Variants in MAEA observed in about 807,000 individuals in gnomAD.
The protein encoded by MAEA is macrophage erythroblast attacher, E3 ubiquitin ligase.
In MAEA, 22 loss-of-function variants were observed where a neutral mutation model predicts 46.2. The observed-to-expected ratio is 0.48, with a 90% confidence interval of 0.34 to 0.68. MAEA has a LOEUF of 0.68. Ranked by LOEUF, MAEA falls within the 30% of genes least tolerant of loss-of-function variation. MAEA has a pLI of 0.01. For synonymous variants in MAEA, 246 were observed against 222.6 expected (o/e 1.11, Z -0.94); for missense variants, 393 against 558.1 (o/e 0.70, Z 2.98).
chr4:1,297,088 T>TA (rs1196772879), intron 1 of MAEA, among the ~76,000 whole-genome samples: 1 of 152,144 alleles, frequency 6.6e-6, no homozygotes, highest in African/African-American at 2.4e-5. Flanking sequence ...AAAGATACGA[T>TA]ACCAGGCGCA....
At chr4:1,300,666 C>T (rs576913279) in intron 1 of MAEA, among the ~76,000 whole-genome samples, 31 of 152,354 alleles carry the variant, frequency 2.0e-4, no homozygotes, top group Admixed American at 3.3e-4. Context: ...CCAAGACGGA[C>T]CAGTGGCTTT....
At chr4:1,334,342 G>A (rs1224677975) in intron 6 of MAEA, among the ~76,000 whole-genome samples, 1 of 150,280 alleles carries the variant, frequency 6.7e-6, no homozygotes, top group Admixed American at 6.7e-5. Flanking sequence ...CAAAGCCCTG[G>A]GCAGTCCCAG....
chr4:1,315,153 T>C (rs570241355), intron 2 of MAEA, among the ~76,000 whole-genome samples: 7 of 152,308 alleles, frequency 4.6e-5, no homozygotes, highest in Admixed American at 1.3e-4. Flanking sequence ...GGTATATTAA[T>C]ATAAAGCCAG....
At chr4:1,327,891 G>C (rs1739051685) in intron 5 of MAEA, among the ~76,000 whole-genome samples, 188 bp downstream of exon 5, 1 of 152,190 alleles carries the variant, frequency 6.6e-6, no homozygotes. Context: ...TGGGGAGTGA[G>C]GCCTGGAGCC....
At chr4:1,307,781 G>C (rs748339393) in intron 1 of MAEA, among the ~76,000 whole-genome samples, 14 of 152,180 alleles carry the variant, frequency 9.2e-5, no homozygotes, top group Non-Finnish European at 1.5e-4. Flanking sequence ...CAGGATCCCA[G>C]CTCCAGGAGG....
Position 1,325,674 on chromosome 4 carries a change from TG to T in MAEA, c.580-1949del, listed in dbSNP as rs1210398665. Among the ~76,000 whole-genome samples the T allele has an allele frequency of 3.3e-5, 5 of 152,222 alleles. No individual in the cohort carries two copies. The South Asian group carries it at 8.3e-4, about 25-fold the overall frequency. On this transcript the variant is annotated intron_variant, in intron 4 of 8. Coordinates refer to ENST00000303400, the MANE Select transcript of MAEA (RefSeq NM_001017405.3). ...CATCAGGCAGCCCCTGGGAGGCAGGTGGGGCCCTGGTGGGGAGCCTCTATCT... is the reference window on the plus strand; with the variant it reads ...CATCAGGCAGCCCCTGGGAGGCAGGTGGGCCCTGGTGGGGAGCCTCTATCT...
chr4:1,325,824 C>T (rs908625065), intron 4 of MAEA, among the ~76,000 whole-genome samples: 2 of 152,204 alleles, frequency 1.3e-5, no homozygotes, highest in South Asian at 2.1e-4. Flanking sequence ...CTTTGTGCCT[C>T]TCGGCTGATT....
intron 5 of MAEA, 45 bp downstream of exon 5, chr4:1,327,748 T>C: frequency 6.4e-7 from 1 of 1,553,132 alleles, no homozygotes; most frequent in Non-Finnish European, 8.9e-7. Context: ...GGCAGGATGT[T>C]CGGCTGCGGC....
chr4:1,302,603 C>G (rs1735423925), intron 1 of MAEA, among the ~76,000 whole-genome samples: 1 of 152,166 alleles, frequency 6.6e-6, no homozygotes, highest in African/African-American at 2.4e-5. Context: ...CTTCAGCCTC[C>G]CAAGTAGCTG....
At chr4:1,293,733 A>C (rs1190885777) in intron 1 of MAEA, among the ~76,000 whole-genome samples, 1 of 152,200 alleles carries the variant, frequency 6.6e-6, no homozygotes, top group Non-Finnish European at 1.5e-5. Context: ...GCTGAGAAAC[A>C]CCGGGCTTGT....
chr4:1,299,164 C>T (rs906250896), intron 1 of MAEA, among the ~76,000 whole-genome samples: 1 of 152,200 alleles, frequency 6.6e-6, no homozygotes, highest in Admixed American at 6.5e-5. Context: ...CAGGTGTGAG[C>T]CACCATGCCC....
intron 5 of MAEA, chr4:1,329,149 G>T: frequency 1.0e-6 from 1 of 985,754 alleles, no homozygotes; most frequent in Non-Finnish European, 1.2e-6. Flanking sequence ...CTCCGTCACA[G>T]ATGTCTTCAT....
chr4:1,309,758 G>A (rs1251005958), intron 1 of MAEA: 10 of 1,488,404 alleles, frequency 6.7e-6, no homozygotes, highest in Non-Finnish European at 8.9e-6. Context: ...CTGCGTAACC[G>A]TGGCGCGTTC....
chr4:1,323,754 C>T, intron 4 of MAEA: 1 of 634,004 alleles, frequency 1.6e-6, no homozygotes, highest in Non-Finnish European at 2.9e-6. Context: ...CCAGGATATT[C>T]CTGCAAGCCC....
intron 1 of MAEA, among the ~76,000 whole-genome samples, chr4:1,306,998 G>A (rs989920308): frequency 9.2e-5 from 14 of 152,232 alleles, no homozygotes; most frequent in African/African-American, 3.4e-4. Context: ...CTTTTTCTGG[G>A]TTCCCCACCC....
intron 3 of MAEA, among the ~76,000 whole-genome samples, chr4:1,322,087 G>A (rs2108957680): frequency 6.6e-6 from 1 of 152,324 alleles, no homozygotes; most frequent in African/African-American, 2.4e-5. Flanking sequence ...CTGCCTGCAT[G>A]TGTGTCTCAG....
intron 5 of MAEA, among the ~76,000 whole-genome samples, chr4:1,328,192 C>T (rs548901576): frequency 5.9e-5 from 9 of 152,240 alleles, no homozygotes; most frequent in Non-Finnish European, 1.3e-4. Flanking sequence ...CTGTCTCCGA[C>T]CCAAGGGCGG....
chr4:1,290,118 G>T, intron 1 of MAEA, 136 bp downstream of exon 1: 2 of 417,182 alleles, frequency 4.8e-6, no homozygotes, highest in Non-Finnish European at 7.3e-6. Flanking sequence ...GGCCGTGCGG[G>T]CTTCTCAGGG....
chr4:1,337,476 G>A, intron 7 of MAEA: 1 of 202,216 alleles, frequency 4.9e-6, no homozygotes, highest in Non-Finnish European at 1.0e-5. Context: ...CTGAGTTCCT[G>A]CCTGTGACTC....
Sources: gnomAD v4.1 joint callset for allele counts (sites outside exome capture counted in the v4.1 genomes callset) on GRCh38, gnomAD v4.1.1 for gene constraint, MANE v1.5 for transcripts, NCBI Gene and HGNC (gene_info 2026-07-23, HGNC 2026-07-21) for gene names.